Variants in FGF12 observed in about 807,000 individuals in gnomAD.
The protein encoded by FGF12 is fibroblast growth factor 12, also known as fibroblast growth factor 12B.
Under a neutral mutation model 23.6 loss-of-function variants are expected in FGF12, and 14 were observed. That is an observed-to-expected ratio of 0.59 (90% CI 0.39 to 0.93). The LOEUF (loss-of-function observed/expected upper bound fraction) is 0.93, where lower values mean the gene tolerates loss of function less well. Among genes scored for constraint, FGF12 ranks in the 40% least tolerant of loss-of-function variants. The pLI, the probability that FGF12 is intolerant of heterozygous loss-of-function variation, is 0.00. For missense variants in FGF12, 175 were observed against 217.8 expected (o/e 0.80, Z 1.24); for synonymous variants, 62 against 77.3 (o/e 0.80, Z 1.04).
rs1577381882 is a variant in FGF12, at chr3:192,354,468, AT to A, written c.124+5959del. On this transcript the variant is annotated intron_variant, in intron 3 of 5. Transcript: ENST00000445105. Reference sequence around the variant, plus strand: ...AAAGAATAAAGCATGGCAAAAAAAAATATCGGAGGCAACAGAATTAGAAAAA... The same window carrying A: ...AAAGAATAAAGCATGGCAAAAAAAAAATCGGAGGCAACAGAATTAGAAAAA... Among the ~76,000 whole-genome samples the A allele has an allele frequency of 3.3e-5, 5 of 152,118 alleles. No individual in the cohort carries two copies. In the South Asian group the frequency reaches 1.0e-3, roughly 31 times the overall value.
chr3:192,410,061 G>A (rs1721144956), intron 2 of FGF12, among the ~76,000 whole-genome samples: 1 of 151,420 alleles, frequency 6.6e-6, no homozygotes, highest in South Asian at 2.1e-4. Flanking sequence ...CCGGGCGAGA[G>A]CCACCGAGAT....
chr3:192,483,985 T>C (rs535827794), intron 2 of FGF12, among the ~76,000 whole-genome samples: 2 of 152,270 alleles, frequency 1.3e-5, no homozygotes, highest in African/African-American at 4.8e-5. Flanking sequence ...ATGTTAATTA[T>C]ATGTGACTGA....
intron 2 of FGF12, among the ~76,000 whole-genome samples, chr3:192,558,416 T>G: frequency 6.6e-6 from 1 of 151,746 alleles, no homozygotes; most frequent in African/African-American, 2.4e-5. Context: ...AAAACTTTGT[T>G]GAAAGAAATT....
chr3:192,505,559 C>A lies in FGF12; in HGVS notation c.14-145021G>T, dbSNP rs1724266467. Among the ~76,000 whole-genome samples the A allele has an allele frequency of 2.6e-5, 4 of 152,130 alleles. No individual in the cohort carries two copies. In the South Asian group the frequency reaches 8.3e-4, roughly 31 times the overall value. ...TATAGATTTATAAGAGATTTTCTTA[C>A]TCTACAGAGATTTTACATTTTCAAA... On this transcript the variant is annotated intron_variant, in intron 2 of 5. Transcript: ENST00000445105.
chr3:192,178,582 T>A (rs1167766573), intron 4 of FGF12, among the ~76,000 whole-genome samples: 1 of 151,986 alleles, frequency 6.6e-6, no homozygotes, highest in Non-Finnish European at 1.5e-5. Context: ...CACTGCAACC[T>A]CCACCTCCCT....
At chr3:192,310,969 A>G (rs752148930) in intron 4 of FGF12, among the ~76,000 whole-genome samples, 1 of 152,154 alleles carries the variant, frequency 6.6e-6, no homozygotes, top group African/African-American at 2.4e-5. Context: ...CACCTCTCCA[A>G]TCGTGAAGAA....
chr3:192,707,807 T>G (rs1718524232), intron 2 of FGF12, among the ~76,000 whole-genome samples: 1 of 151,780 alleles, frequency 6.6e-6, no homozygotes, highest in Non-Finnish European at 1.5e-5. Context: ...TTCTTTCTCA[T>G]TTTTAGAAAC....
chr3:192,382,509 TG>T (rs1719862118), intron 2 of FGF12, among the ~76,000 whole-genome samples: 1 of 152,122 alleles, frequency 6.6e-6, no homozygotes, highest in Non-Finnish European at 1.5e-5. Context: ...ATTCTTAGTG[TG>T]GTCTTCTCTA....
chr3:192,342,525 C>T (rs1717742438), intron 3 of FGF12, among the ~76,000 whole-genome samples: 1 of 152,096 alleles, frequency 6.6e-6, no homozygotes, highest in Non-Finnish European at 1.5e-5. Flanking sequence ...AATCTCAGCA[C>T]TTTGGGAGGC....
At chr3:192,707,027 T>C (rs1054362162) in intron 2 of FGF12, among the ~76,000 whole-genome samples, 20 of 152,072 alleles carry the variant, frequency 1.3e-4, no homozygotes, top group Non-Finnish European at 2.5e-4. Context: ...GTCCAGAAAA[T>C]GGATTCACAC....
intron 2 of FGF12, among the ~76,000 whole-genome samples, chr3:192,719,047 C>T (rs1036329607): frequency 5.3e-5 from 8 of 150,582 alleles, no homozygotes; most frequent in African/African-American, 9.8e-5. Flanking sequence ...AATAGAAGAA[C>T]GAGAACCTGA....
At chr3:192,332,668 T>C (rs1217445847) in intron 4 of FGF12, among the ~76,000 whole-genome samples, 1 of 152,042 alleles carries the variant, frequency 6.6e-6, no homozygotes, top group East Asian at 1.9e-4. Context: ...AGCTTAAAAA[T>C]AAATAGAAGC....
At chr3:192,214,729 C>T (rs1417978832) in intron 4 of FGF12, among the ~76,000 whole-genome samples, 1 of 152,184 alleles carries the variant, frequency 6.6e-6, no homozygotes, top group Non-Finnish European at 1.5e-5. Context: ...AGTCCAAGGC[C>T]AACAGCTGTC....
intron 5 of FGF12, among the ~76,000 whole-genome samples, chr3:192,165,159 C>T (rs1165944459): frequency 1.3e-5 from 2 of 151,884 alleles, no homozygotes; most frequent in South Asian, 2.1e-4. Flanking sequence ...TTCATCATGT[C>T]GGCCAGGCTG....
intron 2 of FGF12, among the ~76,000 whole-genome samples, chr3:192,596,014 G>C (rs772319607): frequency 2.0e-5 from 3 of 151,496 alleles, no homozygotes; most frequent in Non-Finnish European, 2.9e-5. Context: ...GATGGCTTGA[G>C]CCAGGGAGGC....
At chr3:192,703,687 T>C (rs1466301596) in intron 2 of FGF12, among the ~76,000 whole-genome samples, 1 of 152,184 alleles carries the variant, frequency 6.6e-6, no homozygotes, top group Non-Finnish European at 1.5e-5. Flanking sequence ...ATCTCATCAG[T>C]AATTTTAATC....
In FGF12 at chr3:192,514,659, T is replaced by C; in HGVS notation, c.14-154121A>G. 1.0e-6 allele frequency: 1 copy of C among 982,278 alleles called. No homozygotes were observed. The highest frequency in any genetic ancestry group is 1.2e-6 in the Non-Finnish European group (1 of 827,238). The allele number at this position is 982,278 out of a possible 1,614,324, so 60.8% of individuals were successfully genotyped here. ...TGTTTGGGGGCTGGGGAAAGAACAT[T>C]TTCTCACCACTTGGGCTGTCGCTGG... On this transcript the variant is annotated intron_variant, in intron 2 of 5. Transcript: ENST00000445105. This position sits in a 1 kb window ranked among gnomAD's most constrained non-coding sequence, Gnocchi z 4.9.
chr3:192,290,710 C>T (rs1714710558), intron 4 of FGF12, among the ~76,000 whole-genome samples: 2 of 152,114 alleles, frequency 1.3e-5, no homozygotes, highest in African/African-American at 4.8e-5. Context: ...ATGTAACTAG[C>T]TGGGAAATTC....
In FGF12 at chr3:192,552,123, C is replaced by T. The variant is rs1242456306; in HGVS notation, c.13+175058G>A. ...AATGAGAATTCTATAATAAAAAATA[C>T]TTTCCCTGAATAAATTCACTAGATG... On this transcript the variant is annotated intron_variant, in intron 2 of 5. Transcript: ENST00000445105. Among the ~76,000 whole-genome samples, 4 of 152,114 alleles carry T rather than the reference C, an allele frequency of 2.6e-5. No individual in the cohort carries two copies. The South Asian group carries it at 6.2e-4, about 24-fold the overall frequency.
Sources: gnomAD v4.1 joint callset for allele counts (sites outside exome capture counted in the v4.1 genomes callset) on GRCh38, gnomAD v4.1.1 for gene constraint, Gnocchi (gnomAD v3.1) non-coding constraint, MANE v1.5 for transcripts, NCBI Gene and HGNC (gene_info 2026-07-23, HGNC 2026-07-21) for gene names.